Variants in CSNK2A2IP observed in about 807,000 individuals in gnomAD.
CSNK2A2IP encodes the protein casein kinase II subunit alpha'-interacting protein.
the CSNK2A2IP span, among the ~76,000 whole-genome samples, chr3:88,362,404 A>T: frequency 1.2e-3 from 183 of 152,220 alleles, no homozygotes; most frequent in Non-Finnish European, 1.7e-3. Context: ...GATAAGGGAG[A>T]ATTCCTTGGA....
At chr3:88,352,776 G>A in the CSNK2A2IP span, among the ~76,000 whole-genome samples, 6 of 151,972 alleles carry the variant, frequency 3.9e-5, no homozygotes, top group African/African-American at 1.4e-4. Context: ...AAGAAATAGT[G>A]AGACTAAGAG....
chr3:88,424,743 AGTAAT>A, the CSNK2A2IP span, among the ~76,000 whole-genome samples: 1 of 152,148 alleles, frequency 6.6e-6, no homozygotes, highest in Non-Finnish European at 1.5e-5. Flanking sequence ...TCTGTGAAAA[AGTAAT>A]GTCTGCCTGT....
At chr3:88,422,599 G>A in the CSNK2A2IP span, among the ~76,000 whole-genome samples, 1 of 152,134 alleles carries the variant, frequency 6.6e-6, no homozygotes, top group Admixed American at 6.5e-5. Context: ...TGAATAAGAG[G>A]AGGCACATGT....
the CSNK2A2IP span, among the ~76,000 whole-genome samples, chr3:88,402,918 CT>C: frequency 6.6e-6 from 1 of 151,938 alleles, no homozygotes; most frequent in Non-Finnish European, 1.5e-5. Context: ...TTTATTAAAT[CT>C]GAGTGGTGGG....
the CSNK2A2IP span, among the ~76,000 whole-genome samples, chr3:88,360,799 C>T: frequency 0.44 from 66,404 of 151,528 alleles, 15,744 homozygotes; most frequent in South Asian, 0.62. Flanking sequence ...ATTTCTCTGG[C>T]AGTATGTTTT....
the CSNK2A2IP span, among the ~76,000 whole-genome samples, chr3:88,351,848 A>G: frequency 1.3e-5 from 2 of 152,132 alleles, no homozygotes; most frequent in Non-Finnish European, 2.9e-5. Flanking sequence ...TTGGTTTTTC[A>G]TCAAAGGAAA....
At chr3:88,350,215 T>C in the CSNK2A2IP span, among the ~76,000 whole-genome samples, 1 of 152,152 alleles carries the variant, frequency 6.6e-6, no homozygotes, top group Non-Finnish European at 1.5e-5. Flanking sequence ...CTCATGAAAC[T>C]CATTTCCTTT....
the CSNK2A2IP span, among the ~76,000 whole-genome samples, chr3:88,341,712 A>G: frequency 6.6e-6 from 1 of 151,996 alleles, no homozygotes; most frequent in Non-Finnish European, 1.5e-5. Context: ...TTTCAGACAC[A>G]AAATTATGCT....
the CSNK2A2IP span, among the ~76,000 whole-genome samples, chr3:88,342,972 T>C: frequency 5.9e-5 from 9 of 151,998 alleles, no homozygotes; most frequent in Non-Finnish European, 8.8e-5. Flanking sequence ...TATTAATTTC[T>C]TAATTCTTAC....
the CSNK2A2IP span, among the ~76,000 whole-genome samples, chr3:88,418,461 T>TGTGTGTGTGCGCGC: frequency 2.9e-4 from 22 of 75,868 alleles, no homozygotes; most frequent in East Asian, 0.016. Flanking sequence ...TGTGTGTGTG[T>TGTGTGTGTGCGCGC]GTGCGCGCGG....
the CSNK2A2IP span, among the ~76,000 whole-genome samples, chr3:88,347,218 C>T: frequency 6.6e-6 from 1 of 151,886 alleles, no homozygotes; most frequent in Non-Finnish European, 1.5e-5. Context: ...GGTGAAGATG[C>T]TAGGAACATG....
At chr3:88,426,973 GA>G in the CSNK2A2IP span, among the ~76,000 whole-genome samples, 4 of 152,032 alleles carry the variant, frequency 2.6e-5, no homozygotes, top group Non-Finnish European at 4.4e-5. Context: ...GCAGAGATTG[GA>G]ACAGTTTGGA....
chr3:88,390,326 C>A, the CSNK2A2IP span, among the ~76,000 whole-genome samples: 1 of 152,144 alleles, frequency 6.6e-6, no homozygotes, highest in African/African-American at 2.4e-5. Flanking sequence ...AACATCAGGT[C>A]ATGAGATTTT....
At chr3:88,425,699 A>G in the CSNK2A2IP span, among the ~76,000 whole-genome samples, 2 of 152,162 alleles carry the variant, frequency 1.3e-5, no homozygotes, top group African/African-American at 4.8e-5. Flanking sequence ...TATTAGTGGT[A>G]GCAAGTAATA....
the CSNK2A2IP span, among the ~76,000 whole-genome samples, chr3:88,344,777 CAGTA>C: frequency 6.6e-6 from 1 of 151,820 alleles, no homozygotes; most frequent in African/African-American, 2.4e-5. Flanking sequence ...GTAAATTATA[CAGTA>C]AGTCTTAGGT....
chr3:88,341,226 G>T, the CSNK2A2IP span, among the ~76,000 whole-genome samples: 1 of 151,480 alleles, frequency 6.6e-6, no homozygotes, highest in Non-Finnish European at 1.5e-5. Flanking sequence ...GGAATAATTG[G>T]GTTCAGAGGC....
At chr3:88,435,684 C>T in the CSNK2A2IP span, among the ~76,000 whole-genome samples, 19 of 152,086 alleles carry the variant, frequency 1.2e-4, no homozygotes, top group East Asian at 2.9e-3. Context: ...TCTAATGGCA[C>T]GTAGAGTACA....
chr3:88,409,322 C>T, the CSNK2A2IP span, among the ~76,000 whole-genome samples: 2 of 152,024 alleles, frequency 1.3e-5, no homozygotes, highest in Non-Finnish European at 2.9e-5. Flanking sequence ...CTATTCCAAG[C>T]TTCCTCACAT....
chr3:88,441,368 TAAAG>T, the CSNK2A2IP span, among the ~76,000 whole-genome samples: 16 of 152,218 alleles, frequency 1.1e-4, no homozygotes, highest in South Asian at 3.3e-3. Context: ...GGAAGAAAAA[TAAAG>T]AAACATAGGG....
Sources: allele counts gnomAD v4.1 joint callset (sites outside exome capture counted in the v4.1 genomes callset), GRCh38; gene constraint gnomAD v4.1.1; transcripts MANE v1.5; gene names NCBI Gene and HGNC (gene_info 2026-07-23, HGNC 2026-07-21).